The following TULP4 variants were observed in gnomAD, a reference collection of about 807,000 sequenced individuals.
TULP4 encodes the protein TUB like protein 4.
Under a neutral mutation model 129.0 loss-of-function variants are expected in TULP4, and 16 were observed. The ratio of observed to expected loss-of-function variants is 0.12; its 90% CI spans 0.08 to 0.19. The LOEUF (loss-of-function observed/expected upper bound fraction) is 0.19, where lower values mean the gene tolerates loss of function less well. TULP4 is among the 10% of genes least tolerant of loss of function. TULP4 has a pLI of 1.00. For synonymous variants in TULP4, 998 were observed against 854.0 expected, an observed-to-expected ratio of 1.17 and a Z score of -2.94; for missense variants, 1,842 against 2,059.1, an observed-to-expected ratio of 0.89 and a Z score of 2.04.
intron 1 of TULP4, among the ~76,000 whole-genome samples, chr6:158,320,129 T>C (rs1779591445): frequency 6.6e-6 from 1 of 152,210 alleles, no homozygotes; most frequent in Non-Finnish European, 1.5e-5. Context: ...AATAGATGTG[T>C]GCTTACCTAC....
intron 8 of TULP4, 50 bp from the exon 9 acceptor site, chr6:158,489,538 G>T (rs1428923418): frequency 3.1e-6 from 5 of 1,609,284 alleles, no homozygotes; most frequent in South Asian, 1.1e-5. Context: ...CATTGGTAGG[G>T]GCTAATTGAT....
intron 1 of TULP4, among the ~76,000 whole-genome samples, chr6:158,402,019 T>C (rs1472772443): frequency 6.6e-6 from 1 of 152,184 alleles, no homozygotes; most frequent in East Asian, 1.9e-4. Flanking sequence ...AAAACTTCGG[T>C]GTATATTTTT....
At chr6:158,302,889 C>T (rs1241898090) in intron 1 of TULP4, among the ~76,000 whole-genome samples, 1 of 151,750 alleles carries the variant, frequency 6.6e-6, no homozygotes, top group Non-Finnish European at 1.5e-5. Flanking sequence ...TGAATTTTAC[C>T]CTTTTGACCC....
chr6:158,346,648 G>A (rs374328812), intron 1 of TULP4, among the ~76,000 whole-genome samples: 2 of 152,116 alleles, frequency 1.3e-5, no homozygotes, highest in African/African-American at 2.4e-5. Flanking sequence ...GTTTCTTTTA[G>A]CACCAAAAAG....
intron 1 of TULP4, among the ~76,000 whole-genome samples, chr6:158,349,083 T>C (rs751561909): frequency 5.6e-4 from 38 of 67,462 alleles, no homozygotes; most frequent in East Asian, 1.2e-3. Flanking sequence ...GAGGCGCTCC[T>C]CACTTCCCAG....
intron 1 of TULP4, among the ~76,000 whole-genome samples, chr6:158,307,149 G>A (rs977704053): frequency 4.6e-5 from 7 of 152,134 alleles, no homozygotes; most frequent in African/African-American, 1.7e-4. Flanking sequence ...TAATAAGAGT[G>A]TATTGTTTTA....
chr6:158,461,175 G>T (rs746691830), intron 5 of TULP4, among the ~76,000 whole-genome samples: 1 of 152,202 alleles, frequency 6.6e-6, no homozygotes, highest in Non-Finnish European at 1.5e-5. Flanking sequence ...ACTTTGGGAG[G>T]CCAAGGCGGG....
intron 1 of TULP4, among the ~76,000 whole-genome samples, chr6:158,321,503 A>G (rs769607859): frequency 1.3e-4 from 20 of 152,188 alleles, no homozygotes; most frequent in Non-Finnish European, 2.4e-4. Context: ...GGCCTCGCAG[A>G]CTATCGGTCA....
chr6:158,405,609 C>T (rs1443024835), intron 1 of TULP4, among the ~76,000 whole-genome samples: 1 of 152,140 alleles, frequency 6.6e-6, no homozygotes. Flanking sequence ...GAGCAAGGAG[C>T]AAGGAGCCAG....
chr6:158,391,915 T>G (rs1170713829), intron 1 of TULP4, among the ~76,000 whole-genome samples: 1 of 152,250 alleles, frequency 6.6e-6, no homozygotes, highest in African/African-American at 2.4e-5. Context: ...CACTTCTTTT[T>G]TCTTAGTGCC....
At chr6:158,331,543 C>T (rs1263012636) in intron 1 of TULP4, among the ~76,000 whole-genome samples, 1 of 151,034 alleles carries the variant, frequency 6.6e-6, no homozygotes, top group Non-Finnish European at 1.5e-5. Context: ...TCAGCATCAT[C>T]TTGTACTTAC....
At chr6:158,480,998 C>CCT in intron 7 of TULP4, 57 bp from the exon 8 acceptor site, 3 of 1,478,732 alleles carry the variant, frequency 2.0e-6, no homozygotes, top group African/African-American at 1.4e-5. Context: ...ACTCTCTTTC[C>CCT]CTCTCTCTCT....
Position 158,401,808 on chromosome 6 carries a change from C to CT in TULP4, c.253-11246dup, listed in dbSNP as rs555418286. ...AGTAGATGGATACAACACCTCCTCA[C>CT]TTTTTTTTTTTCATTTTAAAAAATA... On this transcript the variant is annotated intron_variant, in intron 1 of 13. Coordinates refer to ENST00000367097, the MANE Select transcript of TULP4 (RefSeq NM_020245.5). Among the ~76,000 whole-genome samples the CT allele has an allele frequency of 6.0e-3, 880 of 147,180 alleles. 9 individuals carry two copies. The highest frequency in any genetic ancestry group is 0.016 in the African/African-American group (633 of 40,256).
At chr6:158,384,281 C>T (rs1777388800) in intron 1 of TULP4, among the ~76,000 whole-genome samples, 1 of 137,872 alleles carries the variant, frequency 7.3e-6, no homozygotes, top group Admixed American at 7.6e-5. Flanking sequence ...AACCACATGC[C>T]TGTTTAGCTT....
intron 1 of TULP4, among the ~76,000 whole-genome samples, chr6:158,256,118 T>G (rs982157405): frequency 6.6e-6 from 1 of 152,258 alleles, no homozygotes; most frequent in Non-Finnish European, 1.5e-5. Context: ...CACCTTGGCT[T>G]AACATTCCAG....
Position 158,502,723 on chromosome 6 carries a change from G to C in TULP4, c.3060G>C (p.Gly1020=), listed in dbSNP as rs1000369936. 7 of 1,569,096 alleles carry C rather than the reference G, an allele frequency of 4.5e-6. No homozygotes were observed. Among genetic ancestry groups the C allele is most frequent in the African/African-American group, 4.0e-5 (3 of 74,326 alleles). The change falls in exon 13 of 14, where the codon GGG becomes GGC. Residue 1020 remains glycine, a synonymous_variant. Coordinates refer to ENST00000367097, the MANE Select transcript of TULP4 (RefSeq NM_020245.5). The part of the protein sequence containing the change: ...QPLAKSKGGP[G]GVVTQLPARP... ...TGGCCAAGTCCAAGGGCGGGCCCGG[G>C]GGGGTGGTGACACAGCTCCCAGCGC...
intron 3 of TULP4, chr6:158,438,225 T>G (rs1778794037): frequency 6.6e-6 from 1 of 152,258 alleles, no homozygotes; most frequent in South Asian, 2.1e-4. Flanking sequence ...TTTCTTTTTC[T>G]TCTTCTTTGT....
Position 158,508,692 on chromosome 6 carries a change from C to T in TULP4, c.*1998C>T, listed in dbSNP as rs1780659579. 6.6e-6 allele frequency: 1 copy of T among 152,420 alleles called. No homozygotes were observed. The highest frequency in any genetic ancestry group is 2.4e-5 in the African/African-American group (1 of 41,382). The allele number at this position is 152,420 out of a possible 1,614,324, so 9.4% of individuals were successfully genotyped here. On this transcript the variant is annotated 3_prime_UTR_variant, in exon 14 of 14. Coordinates refer to ENST00000367097, the MANE Select transcript of TULP4 (RefSeq NM_020245.5). ...CCTGTTAGATAATCTAAATGCAATTCCCCTGTTTTGTCGTTTAGGAGATAA... is the reference window on the plus strand; with the variant it reads ...CCTGTTAGATAATCTAAATGCAATTTCCCTGTTTTGTCGTTTAGGAGATAA...
chr6:158,462,896 C>G (rs1779470146), intron 6 of TULP4, among the ~76,000 whole-genome samples: 1 of 150,828 alleles, frequency 6.6e-6, no homozygotes, highest in African/African-American at 2.4e-5. Flanking sequence ...ATTACAGGTG[C>G]CCGCCACCAC....
Sources: allele counts gnomAD v4.1 joint callset (sites outside exome capture counted in the v4.1 genomes callset), GRCh38; gene constraint gnomAD v4.1.1; transcripts MANE v1.5; gene names NCBI Gene and HGNC (gene_info 2026-07-23, HGNC 2026-07-21).